ARHGAP20: variants seen among roughly 807,000 people sequenced by gnomAD.
ARHGAP20 encodes the protein rho GTPase-activating protein 20.
ARHGAP20 carries 34 observed loss-of-function variants against 73.7 expected under a neutral mutation model. That is an observed-to-expected ratio of 0.46 (90% CI 0.35 to 0.61). The LOEUF (loss-of-function observed/expected upper bound fraction) is 0.61. Among genes scored for constraint, ARHGAP20 ranks in the 20% least tolerant of loss-of-function variants. The pLI is 0.00. For synonymous variants in ARHGAP20, 523 were observed against 518.2 expected (o/e 1.01, Z -0.13); for missense variants, 1,314 against 1,420.9 (o/e 0.92, Z 1.21).
At chr11:110,680,479 G>C (rs1002539739) in intron 2 of ARHGAP20, among the ~76,000 whole-genome samples, 1 of 152,116 alleles carries the variant, frequency 6.6e-6, no homozygotes, top group Non-Finnish European at 1.5e-5. Flanking sequence ...GTTCAATATA[G>C]TAAGGATGTC....
At chr11:110,603,990 C>T (rs928698440) in intron 9 of ARHGAP20, among the ~76,000 whole-genome samples, 5 of 152,136 alleles carry the variant, frequency 3.3e-5, no homozygotes, top group East Asian at 1.9e-4. Context: ...ATTCACTTCT[C>T]ACTCATTAGA....
intron 2 of ARHGAP20, among the ~76,000 whole-genome samples, chr11:110,675,854 T>C (rs1321267526): frequency 6.6e-6 from 1 of 152,348 alleles, no homozygotes; most frequent in East Asian, 1.9e-4. Flanking sequence ...CTCCTGTTTC[T>C]ACCTTAATTA....
chr11:110,694,317 G>A (rs1840676852), intron 1 of ARHGAP20, among the ~76,000 whole-genome samples: 1 of 151,722 alleles, frequency 6.6e-6, no homozygotes, highest in Admixed American at 6.6e-5. Context: ...AGTATAACAT[G>A]AATACTAGAG....
chr11:110,662,469 G>A (rs759893696), intron 2 of ARHGAP20, among the ~76,000 whole-genome samples: 2 of 151,808 alleles, frequency 1.3e-5, no homozygotes, highest in East Asian at 1.9e-4. Context: ...AGGATATACC[G>A]TAAAGATAGT....
intron 2 of ARHGAP20, among the ~76,000 whole-genome samples, chr11:110,689,760 A>C (rs956421716): frequency 1.3e-4 from 19 of 147,668 alleles, no homozygotes; most frequent in Admixed American, 2.0e-4. Context: ...CGGTCTCATA[A>C]TAGACAGAAA....
intron 1 of ARHGAP20, among the ~76,000 whole-genome samples, chr11:110,692,432 T>A (rs1488888344): frequency 6.6e-6 from 1 of 152,148 alleles, no homozygotes; most frequent in Non-Finnish European, 1.5e-5. Flanking sequence ...ACCAATTTAC[T>A]ACTTTGAAGT....
intron 6 of ARHGAP20, 41 bp downstream of exon 6, chr11:110,614,520 C>T: frequency 6.5e-7 from 1 of 1,542,886 alleles, no homozygotes; most frequent in Non-Finnish European, 9.0e-7. Context: ...CTGTCTTATG[C>T]AGGGACTTGG....
intron 1 of ARHGAP20, among the ~76,000 whole-genome samples, chr11:110,697,901 T>C (rs903438019): frequency 6.6e-6 from 1 of 151,836 alleles, no homozygotes; most frequent in African/African-American, 2.4e-5. Flanking sequence ...GCTTTGGCTA[T>C]TTGGGCTCTT....
chr11:110,604,603 C>A lies in ARHGAP20; in HGVS notation c.964+1958G>T, dbSNP rs180837680. ...ATAAAGATACCCTTTATAAAAATCC[C>A]TGCCTTCATGGAGCTCACATTTTAG... On this transcript the variant is annotated intron_variant, in intron 9 of 14. Coordinates refer to ENST00000683387, the MANE Select transcript of ARHGAP20 (RefSeq NM_001384657.1). Among the ~76,000 whole-genome samples the A allele has an allele frequency of 1.1e-3, 160 of 152,252 alleles. 1 individual carries two copies. Among genetic ancestry groups the A allele is most frequent in the African/African-American group, 3.5e-3 (145 of 41,544 alleles).
At chr11:110,587,921 T>A (rs933638163) in intron 11 of ARHGAP20, among the ~76,000 whole-genome samples, 2 of 152,240 alleles carry the variant, frequency 1.3e-5, no homozygotes, top group Non-Finnish European at 2.9e-5. Context: ...TGAATTTTCA[T>A]AATTCCAAAC....
chr11:110,709,434 T>C (rs1014894655), intron 1 of ARHGAP20, among the ~76,000 whole-genome samples: 1 of 152,198 alleles, frequency 6.6e-6, no homozygotes, highest in Non-Finnish European at 1.5e-5. Context: ...TGGTGACAGA[T>C]GTGGGTAACA....
chr11:110,668,998 A>G (rs943535349), intron 2 of ARHGAP20, among the ~76,000 whole-genome samples: 2 of 152,214 alleles, frequency 1.3e-5, no homozygotes, highest in African/African-American at 4.8e-5. Flanking sequence ...TTTTAAATGT[A>G]AAATCTGAAA....
Position 110,606,734 on chromosome 11 carries a change from T to A in ARHGAP20, c.791A>T (p.Tyr264Phe). 1 of 1,560,772 alleles carries A rather than the reference T, an allele frequency of 6.4e-7. No homozygotes were observed. Among genetic ancestry groups the A allele is most frequent in the Non-Finnish European group, 8.6e-7 (1 of 1,156,790 alleles). ...PYPLIGHEYP[Y>F]GIKMSHLRDS... ...TCGAAGATGGCTCATTTTAATTCCA[T>A]ATGGATATTCATGCCCTACACAGAG... Residue 264 changes from tyrosine to phenylalanine, a missense_variant, in exon 9 of 15, where the codon TAT (tyrosine) becomes TTT (phenylalanine). This residue lies in a region of ARHGAP20 where 443 missense variants were observed against 466.4 expected (regional missense o/e 0.95). Coordinates refer to ENST00000683387, the MANE Select transcript of ARHGAP20 (RefSeq NM_001384657.1).
intron 2 of ARHGAP20, among the ~76,000 whole-genome samples, chr11:110,677,249 A>T (rs1949950237): frequency 6.6e-6 from 1 of 152,256 alleles, no homozygotes; most frequent in Non-Finnish European, 1.5e-5. Context: ...AAAAACTCAA[A>T]CAACCCAATT....
At chr11:110,626,426 C>A (rs1022920248) in intron 3 of ARHGAP20, among the ~76,000 whole-genome samples, 1 of 152,118 alleles carries the variant, frequency 6.6e-6, no homozygotes, top group Non-Finnish European at 1.5e-5. Flanking sequence ...AAAATAATGG[C>A]CAATATTTAT....
chr11:110,642,251 C>T (rs754552296), intron 2 of ARHGAP20, among the ~76,000 whole-genome samples: 4 of 151,998 alleles, frequency 2.6e-5, no homozygotes, highest in African/African-American at 4.8e-5. Context: ...GATAGTTTGA[C>T]GTCTTTTTAT....
intron 2 of ARHGAP20, among the ~76,000 whole-genome samples, chr11:110,654,425 G>A (rs938613358): frequency 8.5e-5 from 13 of 152,054 alleles, no homozygotes; most frequent in Non-Finnish European, 1.5e-4. Context: ...ACAAATTAGT[G>A]CTAAATAACA....
rs35306856 is a variant in ARHGAP20, at chr11:110,577,471, G to GAA, written c.*1897_*1898dup. 5.3e-5 allele frequency: 48 copies of GAA among 906,608 alleles called. No individual in the cohort carries two copies. Among genetic ancestry groups the GAA allele is most frequent in the Non-Finnish European group, 6.1e-5 (46 of 759,388 alleles). The allele number at this position is 906,608 out of a possible 1,614,324, so 56.2% of individuals were successfully genotyped here. On this transcript the variant is annotated 3_prime_UTR_variant, in exon 15 of 15. Coordinates refer to ENST00000683387, the MANE Select transcript of ARHGAP20 (RefSeq NM_001384657.1). ...TGAATGATTTTTTACCTGCTAACAT[G>GAA]AAAAAAAAAAAAAAGGCAATTTCTT... is the stretch of plus-strand genomic sequence containing the variant.
chr11:110,671,694 AATG>A (rs1343074813), intron 2 of ARHGAP20, among the ~76,000 whole-genome samples: 4 of 152,156 alleles, frequency 2.6e-5, no homozygotes. Context: ...GCAATGGACA[AATG>A]AATATGAAAT....
Sources: allele counts gnomAD v4.1 joint callset (sites outside exome capture counted in the v4.1 genomes callset), GRCh38; gene constraint gnomAD v4.1.1; regional missense constraint gnomAD v4.1.1; transcripts MANE v1.5; gene names NCBI Gene and HGNC (gene_info 2026-07-23, HGNC 2026-07-21).